The following SEZ6L variants were observed in gnomAD, a reference collection of about 807,000 sequenced individuals.
SEZ6L encodes the protein seizure related 6 homolog like.
In SEZ6L, 37 loss-of-function variants were observed where a neutral mutation model predicts 106.2. That is an observed-to-expected ratio of 0.35 (90% CI 0.27 to 0.46). The LOEUF is 0.46. Ranked by LOEUF, SEZ6L falls within the 20% of genes least tolerant of loss-of-function variation. The probability of loss-of-function intolerance (pLI) is 1.00; values close to 1 mark genes in which losing one functional copy is unlikely to be tolerated. For synonymous variants in SEZ6L, 541 were observed against 570.4 expected, an observed-to-expected ratio of 0.95 and a Z score of 0.73; for missense variants, 1,172 against 1,332.8, an observed-to-expected ratio of 0.88 and a Z score of 1.88.
At chr22:26,292,111 G>A in intron 1 of SEZ6L, 1 of 329,758 alleles carries the variant, frequency 3.0e-6, no homozygotes, top group South Asian at 1.1e-4. Context: ...AAATGGAAGG[G>A]GAAAGGAAGG....
At chr22:26,280,419 T>G (rs934335434) in intron 1 of SEZ6L, among the ~76,000 whole-genome samples, 4 of 152,320 alleles carry the variant, frequency 2.6e-5, no homozygotes, top group South Asian at 2.1e-4. Context: ...CAAAGTTCCT[T>G]TATGCACAGG....
chr22:26,249,350 A>C (rs549741116), intron 1 of SEZ6L, among the ~76,000 whole-genome samples: 4 of 152,042 alleles, frequency 2.6e-5, no homozygotes, highest in Non-Finnish European at 5.9e-5. Context: ...TCTAGTAACC[A>C]CTATTTCACT....
intron 1 of SEZ6L, among the ~76,000 whole-genome samples, chr22:26,224,747 G>A (rs375476734): frequency 2.9e-4 from 44 of 152,272 alleles, no homozygotes; most frequent in African/African-American, 1.0e-3. Context: ...GAGGGTAAAG[G>A]AGAAGGTAGG....
intron 11 of SEZ6L, among the ~76,000 whole-genome samples, chr22:26,349,925 T>C (rs569075081): frequency 6.6e-6 from 1 of 152,312 alleles, no homozygotes; most frequent in Non-Finnish European, 1.5e-5. Context: ...GATTTTTTAA[T>C]GTGAAAAGTA....
At chr22:26,314,564 A>G (rs1345628077) in intron 9 of SEZ6L, among the ~76,000 whole-genome samples, 2 of 152,118 alleles carry the variant, frequency 1.3e-5, no homozygotes, top group African/African-American at 2.4e-5. Flanking sequence ...AGAGTCTGAT[A>G]CACAGTAGAT....
chr22:26,298,985 C>T lies in SEZ6L; in HGVS notation c.1164C>T (p.Ala388=). The change falls in exon 5 of 17, where the codon GCC becomes GCT. Residue 388 remains alanine (A), a splice_region_variant and synonymous_variant. Coordinates refer to ENST00000248933, the MANE Select transcript of SEZ6L (RefSeq NM_021115.5). ...GTCTGCCTCTGCATTTCTTCCCAGCCTTCATGCTGAGCTGCAACTTTCCCC... is the reference window on the plus strand; with the variant it reads ...GTCTGCCTCTGCATTTCTTCCCAGCTTTCATGCTGAGCTGCAACTTTCCCC... ...GLGTFQLHYQ[A]FMLSCNFPRR... The T allele has an allele frequency of 6.4e-7, 1 of 1,563,844 alleles. No homozygotes were observed. The highest frequency in any genetic ancestry group is 8.7e-7 in the Non-Finnish European group (1 of 1,153,378).
chr22:26,317,847 A>T (rs1022894462), intron 9 of SEZ6L, among the ~76,000 whole-genome samples: 1 of 151,936 alleles, frequency 6.6e-6, no homozygotes, highest in African/African-American at 2.4e-5. Flanking sequence ...GCAGCCCTGG[A>T]CCCAGCACCT....
At chr22:26,239,952 C>T (rs2079064284) in intron 1 of SEZ6L, among the ~76,000 whole-genome samples, 1 of 151,750 alleles carries the variant, frequency 6.6e-6, no homozygotes, top group East Asian at 1.9e-4. Context: ...TCACCCTTGG[C>T]TTAACTCAGA....
Position 26,296,973 on chromosome 22 carries a change from C to G in SEZ6L, c.1055C>G (p.Thr352Arg). 1 of 1,614,156 alleles carries G rather than the reference C, an allele frequency of 6.2e-7. No homozygotes were observed. The highest frequency in any genetic ancestry group is 2.2e-5 in the East Asian group (1 of 44,880). ...ACCCTGACCGTCCTGGCCAACCAGACACTCCTGGTGGAGGGGCAGGTAATC... is the reference window on the plus strand; with the variant it reads ...ACCCTGACCGTCCTGGCCAACCAGAGACTCCTGGTGGAGGGGCAGGTAATC... ...GPTLTVLANQ[T>R]LLVEGQVIRS... The change falls in exon 4 of 17, where the codon ACA (threonine) becomes AGA (arginine). Residue 352 changes from threonine to arginine, a missense_variant. By Grantham distance (71) the Thr-to-Arg change is moderately conservative (BLOSUM62 -1). Transcript: ENST00000248933.
At chr22:26,325,381 T>C (rs1477510716) in intron 9 of SEZ6L, among the ~76,000 whole-genome samples, 1 of 152,158 alleles carries the variant, frequency 6.6e-6, no homozygotes, top group South Asian at 2.1e-4. Context: ...TGTACAATGA[T>C]CCTATGAGAT....
chr22:26,368,765 CT>C (rs2083904124), intron 13 of SEZ6L, among the ~76,000 whole-genome samples: 1 of 152,040 alleles, frequency 6.6e-6, no homozygotes, highest in African/African-American at 2.4e-5. Context: ...AACAATTCCC[CT>C]GAATCACCTC....
chr22:26,333,330 A>G (rs1898893245), intron 9 of SEZ6L, among the ~76,000 whole-genome samples: 1 of 152,192 alleles, frequency 6.6e-6, no homozygotes, highest in Admixed American at 6.5e-5. Context: ...CATATCCAAG[A>G]AGGATCAAGG....
At chr22:26,350,476 C>T (rs999581596) in intron 11 of SEZ6L, among the ~76,000 whole-genome samples, 1 of 152,012 alleles carries the variant, frequency 6.6e-6, no homozygotes, top group Admixed American at 6.6e-5. Context: ...GATTCATCCA[C>T]CTCTGTCTTC....
intron 1 of SEZ6L, among the ~76,000 whole-genome samples, chr22:26,282,964 A>G (rs925589830): frequency 1.2e-4 from 19 of 152,094 alleles, no homozygotes; most frequent in Non-Finnish European, 2.4e-4. Flanking sequence ...CCTGTCGCCC[A>G]GGCTGGAGTA....
intron 1 of SEZ6L, among the ~76,000 whole-genome samples, chr22:26,268,148 G>T (rs1021569522): frequency 6.6e-6 from 1 of 152,186 alleles, no homozygotes; most frequent in Admixed American, 6.5e-5. Context: ...TGCCTCAGGA[G>T]TTTCCTTTGT....
chr22:26,209,142 T>G (rs564665719), intron 1 of SEZ6L, among the ~76,000 whole-genome samples: 11 of 152,228 alleles, frequency 7.2e-5, no homozygotes, highest in Non-Finnish European at 1.6e-4. Context: ...TTCATTGATT[T>G]CAACTATGTC....
intron 9 of SEZ6L, among the ~76,000 whole-genome samples, chr22:26,322,592 C>T (rs901744418): frequency 6.6e-6 from 1 of 152,116 alleles, no homozygotes; most frequent in African/African-American, 2.4e-5. Context: ...GCCAGTTGCC[C>T]GGAGTTAATG....
chr22:26,338,867 CTT>C (rs71192914), intron 9 of SEZ6L, among the ~76,000 whole-genome samples: 2 of 87,466 alleles, frequency 2.3e-5, no homozygotes, highest in African/African-American at 9.8e-5. Flanking sequence ...TTTTTTTTTT[CTT>C]TTTTTTTTTT....
intron 5 of SEZ6L, among the ~76,000 whole-genome samples, chr22:26,305,357 G>A (rs1198098922): frequency 6.6e-6 from 1 of 151,626 alleles, no homozygotes; most frequent in Admixed American, 6.5e-5. Context: ...GTTTGAGCAC[G>A]TTTTCTAGGC....
Sources: allele counts gnomAD v4.1 joint callset (sites outside exome capture counted in the v4.1 genomes callset), GRCh38; gene constraint gnomAD v4.1.1; transcripts MANE v1.5; gene names NCBI Gene and HGNC (gene_info 2026-07-23, HGNC 2026-07-21).